Variants in HNRNPM observed in about 807,000 individuals in gnomAD.
The protein encoded by HNRNPM is CEA receptor.
In HNRNPM, 11 loss-of-function variants were observed where a neutral mutation model predicts 73.1. That is an observed-to-expected ratio of 0.15 (90% CI 0.09 to 0.25). The LOEUF (loss-of-function observed/expected upper bound fraction) is 0.25. Ranked by LOEUF, HNRNPM falls within the 10% of genes least tolerant of loss-of-function variation. The probability of loss-of-function intolerance (pLI) is 1.00; values close to 1 mark genes in which losing one functional copy is unlikely to be tolerated. For missense variants in HNRNPM, 789 were observed against 1,067.9 expected (o/e 0.74, Z 3.64); for synonymous variants, 407 against 355.2 (o/e 1.15, Z -1.64).
chr19:8,466,970 G>A (rs1281652060), intron 7 of HNRNPM, among the ~76,000 whole-genome samples: 1 of 152,040 alleles, frequency 6.6e-6, no homozygotes, highest in Non-Finnish European at 1.5e-5. Context: ...AGGTTTGAAG[G>A]AGGAAGTCCA....
In HNRNPM at chr19:8,486,413, G is replaced by T. The variant is rs767344308; in HGVS notation, c.1977+8G>T. ...CAGATATTTGTGAGAAATGTAAGTG[G>T]CTCTTGGGGAACTTCTTGGTGGTGG... is the stretch of plus-strand genomic sequence containing the variant. On this transcript the variant is annotated splice_region_variant and intron_variant, in intron 14 of 15. Transcript: ENST00000325495. 3.1e-5 allele frequency: 48 copies of T among 1,550,252 alleles called. No individual in the cohort carries two copies. The highest frequency in any genetic ancestry group is 4.2e-5 in the Non-Finnish European group (48 of 1,155,310).
chr19:8,457,642 T>G (rs1331175616), intron 2 of HNRNPM, among the ~76,000 whole-genome samples: 18 of 152,236 alleles, frequency 1.2e-4, no homozygotes, highest in Admixed American at 3.9e-4. Flanking sequence ...ATGATAATGC[T>G]TATATTCAGT....
intron 12 of HNRNPM, 86 bp downstream of exon 12, chr19:8,474,330 A>T: frequency 2.5e-6 from 2 of 795,090 alleles, no homozygotes; most frequent in Non-Finnish European, 3.9e-6. Flanking sequence ...GACCCACTGA[A>T]TAAGTGGTTT....
chr19:8,465,286 G>GGGTCA (rs1491293159), intron 5 of HNRNPM, 38 bp from the exon 6 acceptor site: 2 of 1,522,704 alleles, frequency 1.3e-6, no homozygotes, highest in African/African-American at 2.8e-5. Flanking sequence ...GCGTTGTACT[G>GGGTCA]GGTCAGTTAA....
intron 6 of HNRNPM, 97 bp from the exon 7 acceptor site, chr19:8,466,137 CT>C (rs2145671477): frequency 8.2e-6 from 10 of 1,225,748 alleles, no homozygotes; most frequent in South Asian, 1.5e-5. Flanking sequence ...TTTCCTAATA[CT>C]TTTTTCCAAC....
At chr19:8,463,540 C>T in intron 4 of HNRNPM, 36 bp downstream of exon 4, 2 of 1,613,414 alleles carry the variant, frequency 1.2e-6, no homozygotes, top group Non-Finnish European at 1.7e-6. Flanking sequence ...GTATTTGAGC[C>T]TTCTAACTTG....
At chr19:8,451,576 AC>A (rs1460159297) in intron 1 of HNRNPM, among the ~76,000 whole-genome samples, 2 of 151,494 alleles carry the variant, frequency 1.3e-5, no homozygotes, top group Non-Finnish European at 2.9e-5. Context: ...TCCCGCTGTT[AC>A]CCCCGGCTGG....
intron 1 of HNRNPM, 73 bp from the exon 2 acceptor site, chr19:8,455,332 A>G: frequency 7.6e-7 from 1 of 1,319,602 alleles, no homozygotes; most frequent in Non-Finnish European, 1.1e-6. Flanking sequence ...AAACCTGGCA[A>G]ATCAAATAAT....
intron 15 of HNRNPM, 120 bp from the exon 16 acceptor site, chr19:8,488,571 T>C (rs1971485351): frequency 3.7e-6 from 3 of 807,616 alleles, no homozygotes; most frequent in Non-Finnish European, 1.9e-6. Flanking sequence ...TCATTGGTTC[T>C]CGCCATTGTA....
intron 12 of HNRNPM, among the ~76,000 whole-genome samples, chr19:8,475,741 A>G (rs897581570): frequency 6.6e-6 from 1 of 152,190 alleles, no homozygotes; most frequent in Non-Finnish European, 1.5e-5. Context: ...TTTTAAAAAA[A>G]GTTTCAGAAA....
intron 10 of HNRNPM, among the ~76,000 whole-genome samples, chr19:8,473,354 G>T (rs1970287575): frequency 6.6e-6 from 1 of 152,040 alleles, no homozygotes; most frequent in Non-Finnish European, 1.5e-5. Flanking sequence ...TCAGCTAGTC[G>T]GGAGGCTGAG....
rs1015447691 is a variant in HNRNPM, at chr19:8,485,218, C to T, written c.1175-385C>T. ...CTGTTCATTACCCTGGGTGGCCCCC[C>T]GAGTGGGGGGTGTCCATGCCTCCCC... On this transcript the variant is annotated intron_variant, in intron 13 of 15. Coordinates refer to ENST00000325495, the MANE Select transcript of HNRNPM (RefSeq NM_005968.5). Among the ~76,000 whole-genome samples the T allele has an allele frequency of 5.9e-5, 9 of 152,092 alleles. No individual in the cohort carries two copies. In the East Asian group the frequency reaches 1.4e-3, roughly 23 times the overall value.
intron 2 of HNRNPM, among the ~76,000 whole-genome samples, chr19:8,460,609 A>C (rs886710298): frequency 6.6e-5 from 10 of 152,222 alleles, no homozygotes; most frequent in African/African-American, 2.4e-4. Context: ...TGGCCATGGG[A>C]AAAAGTTTGG....
intron 12 of HNRNPM, among the ~76,000 whole-genome samples, chr19:8,479,078 C>CTTTTTT (rs74176651): frequency 0.014 from 1,033 of 73,778 alleles, 32 homozygotes; most frequent in Non-Finnish European, 0.019. Flanking sequence ...TTCTTTCTTT[C>CTTTTTT]TTTTTTTTTT....
At chr19:8,452,363 A>G (rs1016392120) in intron 1 of HNRNPM, among the ~76,000 whole-genome samples, 1 of 152,224 alleles carries the variant, frequency 6.6e-6, no homozygotes, top group Non-Finnish European at 1.5e-5. Context: ...TCCATCTGTG[A>G]ATCCTCTGGT....
intron 12 of HNRNPM, chr19:8,482,946 G>T: frequency 1.9e-6 from 1 of 538,018 alleles, no homozygotes; most frequent in Non-Finnish European, 3.3e-6. Context: ...TCAGACTCTG[G>T]AGCTACGTGG....
chr19:8,445,267 G>T, intron 1 of HNRNPM, 156 bp downstream of exon 1: 1 of 580,164 alleles, frequency 1.7e-6, no homozygotes, highest in Non-Finnish European at 2.6e-6. Flanking sequence ...GTCTAGGGCC[G>T]TGAGCGGGGA....
At chr19:8,451,333 G>A (rs565623053) in intron 1 of HNRNPM, among the ~76,000 whole-genome samples, 15 of 151,994 alleles carry the variant, frequency 9.9e-5, no homozygotes, top group Non-Finnish European at 1.6e-4. Context: ...GTGAGCCACC[G>A]CGCCCAGCCA....
In HNRNPM at chr19:8,485,971, GTGGAGCGCATGGGCCCTGCCA is replaced by G; in HGVS notation, c.1545_1565del (p.Pro520_Gly526del). On this transcript the variant is annotated inframe_deletion, in exon 14 of 16. Coordinates refer to ENST00000325495, the MANE Select transcript of HNRNPM (RefSeq NM_005968.5). ...GACCATTGAGCGCATGGGCTCTGGC[GTGGAGCGCATGGGCCCTGCCA>G]TCGAGCGCATGGGCCTGAGCATGGA... 6.2e-7 allele frequency: 1 copy of G among 1,605,582 alleles called. No homozygotes were observed. The highest frequency in any genetic ancestry group is 8.5e-7 in the Non-Finnish European group (1 of 1,179,040).
Sources: allele counts gnomAD v4.1 joint callset (sites outside exome capture counted in the v4.1 genomes callset), GRCh38; gene constraint gnomAD v4.1.1; transcripts MANE v1.5; gene names NCBI Gene and HGNC (gene_info 2026-07-23, HGNC 2026-07-21).